RTTN: variants seen among roughly 807,000 people sequenced by gnomAD.
RTTN encodes the protein rotatin.
A neutral mutation model predicts 269.2 loss-of-function variants in RTTN; 182 were observed. That is an observed-to-expected ratio of 0.68 (90% CI 0.60 to 0.76). The LOEUF (loss-of-function observed/expected upper bound fraction) is 0.76, where lower values mean the gene tolerates loss of function less well. Among genes scored for constraint, RTTN ranks in the 30% least tolerant of loss-of-function variants. The pLI, the probability that RTTN is intolerant of heterozygous loss-of-function variation, is 0.00. For synonymous variants in RTTN, 1,006 were observed against 963.5 expected (o/e 1.04, Z -0.82); for missense variants, 2,545 against 2,608.6 (o/e 0.98, Z 0.53).
intron 32 of RTTN, 111 bp downstream of exon 32, chr18:70,086,502 G>A: frequency 1.1e-6 from 1 of 881,052 alleles, no homozygotes; most frequent in Non-Finnish European, 1.8e-6. Flanking sequence ...AGAGGCCCTT[G>A]CTGTCTTGTA....
intron 40 of RTTN, among the ~76,000 whole-genome samples, chr18:70,034,032 C>T (rs1420244233): frequency 6.6e-6 from 1 of 152,032 alleles, no homozygotes; most frequent in East Asian, 1.9e-4. Context: ...CTGAACAGAC[C>T]AACAATGAGC....
intron 47 of RTTN, 56 bp downstream of exon 47, chr18:70,006,325 C>G (rs1355709714): frequency 1.6e-6 from 2 of 1,234,434 alleles, no homozygotes; most frequent in African/African-American, 3.0e-5. Context: ...GAGTTTATAC[C>G]TGGGTTATAC....
intron 23 of RTTN, chr18:70,131,914 T>C (rs1222077955): frequency 1.3e-5 from 2 of 151,344 alleles, no homozygotes; most frequent in African/African-American, 4.9e-5. Flanking sequence ...TAATGTCAGA[T>C]TGGACAAAAA....
intron 14 of RTTN, 94 bp from the exon 15 acceptor site, chr18:70,150,827 T>C (rs1273519208): frequency 4.0e-6 from 4 of 1,005,214 alleles, no homozygotes; most frequent in Non-Finnish European, 5.7e-6. Context: ...ATTTCTATTT[T>C]AGTTTTTACT....
At chr18:70,042,879 G>A (rs910298451) in intron 40 of RTTN, among the ~76,000 whole-genome samples, 4 of 152,172 alleles carry the variant, frequency 2.6e-5, no homozygotes, top group African/African-American at 4.8e-5. Context: ...GAGAAGAGAC[G>A]CTACGCAAAA....
In RTTN at chr18:70,176,200, G is replaced by GATGTATATGTAT. The variant is rs71816542; in HGVS notation, c.1476+463_1476+474dup. The stretch of plus-strand genomic sequence containing the variant: ...ATATGTATACGTAGATGTAGATGTA[G>GATGTATATGTAT]ATGTATATGTATATGTATATGTATA... On this transcript the variant is annotated intron_variant, in intron 11 of 48. Coordinates refer to ENST00000640769, the MANE Select transcript of RTTN (RefSeq NM_173630.4). Among the ~76,000 whole-genome samples the GATGTATATGTAT allele has an allele frequency of 4.1e-3, 567 of 137,660 alleles. 3 individuals are homozygous for GATGTATATGTAT. Among genetic ancestry groups the GATGTATATGTAT allele is most frequent in the South Asian group, 7.4e-3 (31 of 4,172 alleles). 90.3% of individuals were successfully genotyped at this position (137,660 alleles called of 152,430 possible).
chr18:70,038,640 A>G (rs2057247219), intron 40 of RTTN, among the ~76,000 whole-genome samples: 1 of 152,230 alleles, frequency 6.6e-6, no homozygotes, highest in African/African-American at 2.4e-5. Flanking sequence ...AGACTAAAAC[A>G]AATACCTAAC....
intron 15 of RTTN, 182 bp from the exon 16 acceptor site, chr18:70,150,269 T>C: frequency 3.5e-6 from 2 of 577,972 alleles, no homozygotes; most frequent in Non-Finnish European, 3.1e-6. Context: ...TTAATATTTC[T>C]AATTTTTTAC....
rs1009159798 is a variant in RTTN, at chr18:70,186,915, T to C, written c.1305+1193A>G. Among the ~76,000 whole-genome samples the C allele has an allele frequency of 5.9e-5, 9 of 152,306 alleles. No homozygotes were observed. In the South Asian group the frequency reaches 6.2e-4, roughly 11 times the overall value. The stretch of plus-strand genomic sequence containing the variant: ...ACCACAAAAATTACCTATCGGGTAC[T>C]AGGCTTATTACCTGGGTGACAAAAT... On this transcript the variant is annotated intron_variant, in intron 10 of 48. Coordinates refer to ENST00000640769, the MANE Select transcript of RTTN (RefSeq NM_173630.4).
intron 38 of RTTN, among the ~76,000 whole-genome samples, 158 bp from the exon 39 acceptor site, chr18:70,051,706 T>C (rs1026829207): frequency 3.3e-5 from 5 of 152,188 alleles, no homozygotes; most frequent in African/African-American, 7.2e-5. Flanking sequence ...CCAAAATTTA[T>C]TTCAATTAAC....
At chr18:70,176,903 T>C (rs771414304) in intron 10 of RTTN, 58 bp from the exon 11 acceptor site, 182 of 1,351,248 alleles carry the variant, frequency 1.3e-4, no homozygotes, top group Middle Eastern at 4.0e-4. Flanking sequence ...GGGGCCAGTA[T>C]ACAAAAGCCA....
At chr18:70,190,917 G>A (rs1568543993) in intron 8 of RTTN, among the ~76,000 whole-genome samples, 198 bp from the exon 9 acceptor site, 1 of 152,178 alleles carries the variant, frequency 6.6e-6, no homozygotes. Context: ...GCCAGGAGTG[G>A]TGGCTCATGC....
intron 28 of RTTN, among the ~76,000 whole-genome samples, chr18:70,095,479 T>C (rs2058977334): frequency 6.6e-6 from 1 of 152,202 alleles, no homozygotes; most frequent in Non-Finnish European, 1.5e-5. Context: ...CAGGAGCTCT[T>C]GTAAGGCAGG....
chr18:70,069,239 ATG>A (rs1347494009), intron 34 of RTTN, among the ~76,000 whole-genome samples: 1 of 152,190 alleles, frequency 6.6e-6, no homozygotes, highest in African/African-American at 2.4e-5. Flanking sequence ...TAGGTGACAG[ATG>A]TGTTAACTAA....
At chr18:70,202,266 G>A (rs2061973613) in intron 3 of RTTN, among the ~76,000 whole-genome samples, 1 of 152,090 alleles carries the variant, frequency 6.6e-6, no homozygotes, top group Non-Finnish European at 1.5e-5. Context: ...AGTATTCAAG[G>A]ACTATCCCTC....
intron 19 of RTTN, among the ~76,000 whole-genome samples, chr18:70,141,039 C>T (rs1375627331): frequency 6.6e-6 from 1 of 152,050 alleles, no homozygotes; most frequent in African/African-American, 2.4e-5. Context: ...ATAAGGCATA[C>T]TTTTGAAATG....
At chr18:70,085,762 G>A (rs1221391838) in intron 32 of RTTN, among the ~76,000 whole-genome samples, 3 of 152,082 alleles carry the variant, frequency 2.0e-5, no homozygotes. Context: ...GTATAAGTGG[G>A]AGCTAACCAA....
In RTTN at chr18:70,075,462, T is replaced by C. The variant is rs749785030; in HGVS notation, c.4454A>G (p.His1485Arg). Residue 1485 changes from histidine (H) to arginine (R), a missense_variant, in exon 33 of 49, where the codon CAT becomes CGT. Coordinates refer to ENST00000640769, the MANE Select transcript of RTTN (RefSeq NM_173630.4). ...PALQALLYHC[H>R]FYEHLNQMVK... ...CATCTGATTCAAATGTTCATAAAAATGGCAGTGATATAAAAGAGCCTGAAG... is the reference window on the plus strand; with the variant it reads ...CATCTGATTCAAATGTTCATAAAAACGGCAGTGATATAAAAGAGCCTGAAG... 2.4e-5 allele frequency: 38 copies of C among 1,608,990 alleles called. No homozygotes were observed. The highest frequency in any genetic ancestry group is 4.0e-5 in the African/African-American group (3 of 74,560).
In RTTN at chr18:70,191,612, G is replaced by A. The variant is rs547534110; in HGVS notation, c.1008-893C>T. On this transcript the variant is annotated intron_variant, in intron 8 of 48. Coordinates refer to ENST00000640769, the MANE Select transcript of RTTN (RefSeq NM_173630.4). ...AAAAAGTTCTTACCTCGGATGTAAA[G>A]TGCTGGAGTAAGGATTTAAAAAGTG... Among the ~76,000 whole-genome samples the A allele has an allele frequency of 1.2e-3, 178 of 152,332 alleles. No homozygotes were observed. The Middle Eastern group carries it at 0.02, about 17-fold the overall frequency.
Sources: allele counts gnomAD v4.1 joint callset (sites outside exome capture counted in the v4.1 genomes callset), GRCh38; gene constraint gnomAD v4.1.1; transcripts MANE v1.5; gene names NCBI Gene and HGNC (gene_info 2026-07-23, HGNC 2026-07-21).